EPB41L5: variants seen among roughly 807,000 people sequenced by gnomAD.
EPB41L5 encodes band 4.1-like protein 5.
In EPB41L5, 55 loss-of-function variants were observed where a neutral mutation model predicts 106.6. The observed-to-expected ratio is 0.52, with a 90% CI of 0.42 to 0.65. The LOEUF (loss-of-function observed/expected upper bound fraction) is 0.65, where lower values mean the gene tolerates loss of function less well. EPB41L5 is among the 30% of genes least tolerant of loss of function. The pLI is 0.00. For missense variants in EPB41L5, 871 were observed against 882.1 expected (o/e 0.99, Z 0.16); for synonymous variants, 297 against 306.7 (o/e 0.97, Z 0.33).
At position 120,093,295 on chromosome 2, in the gene EPB41L5, C is replaced by T; in HGVS notation, c.1178+19C>T. 6.2e-7 allele frequency: 1 copy of T among 1,608,088 alleles called. No individual in the cohort carries two copies. ...AACTTAGGTAAGTAATGTTTTGCAA[C>T]TTAGGAATTGGTATAGAATTTGGGA... On this transcript the variant is annotated intron_variant, in intron 14 of 24. Coordinates refer to ENST00000263713, the MANE Select transcript of EPB41L5 (RefSeq NM_020909.4).
intron 3 of EPB41L5, among the ~76,000 whole-genome samples, chr2:120,062,224 A>G (rs978262900): frequency 2.0e-5 from 3 of 152,206 alleles, no homozygotes; most frequent in Non-Finnish European, 4.4e-5. Flanking sequence ...GGATTCAGTA[A>G]GATAGTGGGA....
At chr2:120,064,086 GTCAC>G (rs1240203664) in intron 3 of EPB41L5, among the ~76,000 whole-genome samples, 6 of 152,140 alleles carry the variant, frequency 3.9e-5, no homozygotes, top group African/African-American at 9.7e-5. Context: ...AAAAAAAGTA[GTCAC>G]TCAGGAAGTT....
intron 10 of EPB41L5, 57 bp downstream of exon 10, chr2:120,078,638 AT>A (rs1682419838): frequency 1.6e-5 from 18 of 1,124,988 alleles, no homozygotes; most frequent in Non-Finnish European, 2.4e-5. Flanking sequence ...TAATGAGTAA[AT>A]AAAGTTAATA....
At chr2:120,088,190 C>G (rs1186270476) in intron 11 of EPB41L5, among the ~76,000 whole-genome samples, 3 of 151,970 alleles carry the variant, frequency 2.0e-5, no homozygotes, top group Admixed American at 2.0e-4. Context: ...TTTCATTTTC[C>G]TCTGCTCAGT....
intron 13 of EPB41L5, 85 bp from the exon 14 acceptor site, chr2:120,093,164 A>G: frequency 9.5e-7 from 1 of 1,053,956 alleles, no homozygotes; most frequent in Non-Finnish European, 1.5e-6. Flanking sequence ...TTGTAAAGCA[A>G]TTAGTTAAAG....
intron 17 of EPB41L5, among the ~76,000 whole-genome samples, chr2:120,130,320 G>T (rs950234290): frequency 2.3e-4 from 35 of 152,142 alleles, no homozygotes; most frequent in African/African-American, 7.5e-4. Flanking sequence ...AAATCAATCA[G>T]TGAGAATAAT....
intron 2 of EPB41L5, among the ~76,000 whole-genome samples, chr2:120,032,940 T>C (rs987847462): frequency 1.3e-5 from 2 of 152,242 alleles, no homozygotes; most frequent in Non-Finnish European, 2.9e-5. Flanking sequence ...GGTGTCTGTC[T>C]AGGAATTGAA....
At chr2:120,108,343 T>C (rs1178675361) in intron 16 of EPB41L5, 1 of 152,142 alleles carries the variant, frequency 6.6e-6, no homozygotes, top group African/African-American at 2.4e-5. Flanking sequence ...TTGACAGCTG[T>C]AGCTCATTTT....
chr2:120,171,522 G>GACTA (rs1687671850), intron 24 of EPB41L5, among the ~76,000 whole-genome samples: 1 of 152,202 alleles, frequency 6.6e-6, no homozygotes, highest in Non-Finnish European at 1.5e-5. Context: ...AACACGGGAA[G>GACTA]ACTAACTCAA....
chr2:120,053,413 AT>A (rs1680421301), intron 3 of EPB41L5, among the ~76,000 whole-genome samples: 1 of 152,210 alleles, frequency 6.6e-6, no homozygotes, highest in South Asian at 2.1e-4. Flanking sequence ...TTTTCAGTAT[AT>A]TTAGAATTGT....
chr2:120,070,891 G>A (rs2105311578), intron 3 of EPB41L5, among the ~76,000 whole-genome samples: 1 of 152,272 alleles, frequency 6.6e-6, no homozygotes, highest in East Asian at 1.9e-4. Flanking sequence ...ATACTGAATG[G>A]GCAAAAGCTG....
chr2:120,138,404 A>G (rs1686026090), intron 18 of EPB41L5, among the ~76,000 whole-genome samples: 1 of 152,086 alleles, frequency 6.6e-6, no homozygotes, highest in South Asian at 2.1e-4. Flanking sequence ...GAAGAATTCA[A>G]ATTATCATCA....
chr2:120,130,612 C>T (rs917465713), intron 17 of EPB41L5, among the ~76,000 whole-genome samples: 1 of 152,150 alleles, frequency 6.6e-6, no homozygotes, highest in Non-Finnish European at 1.5e-5. Context: ...TTGAGAAGAC[C>T]AGTGTTGAAT....
At chr2:120,056,672 A>AC (rs1680675679) in intron 3 of EPB41L5, among the ~76,000 whole-genome samples, 1 of 21,932 alleles carries the variant, frequency 4.6e-5, no homozygotes, top group African/African-American at 1.7e-4. Context: ...TTTTCTTGTG[A>AC]CTTTTTTTTT....
chr2:120,114,100 G>C (rs950255703), intron 16 of EPB41L5, among the ~76,000 whole-genome samples: 1 of 152,290 alleles, frequency 6.6e-6, no homozygotes, highest in African/African-American at 2.4e-5. Context: ...CACCATGTGG[G>C]TTCCAGTTTT....
At chr2:120,109,420 C>T (rs560450831) in intron 16 of EPB41L5, among the ~76,000 whole-genome samples, 1 of 152,310 alleles carries the variant, frequency 6.6e-6, no homozygotes, top group South Asian at 2.1e-4. Context: ...GACCTTGCTT[C>T]CTACTTTATT....
intron 20 of EPB41L5, among the ~76,000 whole-genome samples, chr2:120,158,981 T>C (rs1401033634): frequency 6.6e-6 from 1 of 152,186 alleles, no homozygotes; most frequent in Non-Finnish European, 1.5e-5. Flanking sequence ...AACGCAGTCC[T>C]ATTCACAATT....
Position 120,100,289 on chromosome 2 carries a change from A to G in EPB41L5, c.1221+3A>G. The G allele has an allele frequency of 6.2e-7, 1 of 1,612,552 alleles. No homozygotes were observed. Among genetic ancestry groups the G allele is most frequent in the Non-Finnish European group, 8.5e-7 (1 of 1,178,774 alleles). Reference sequence around the variant, plus strand: ...CCCAAAGTAATGGCTCCCAACAGGTAAGACAATACTAAGCTTCTAAAACAC... The same window carrying G: ...CCCAAAGTAATGGCTCCCAACAGGTGAGACAATACTAAGCTTCTAAAACAC... On this transcript the variant is annotated splice_donor_region_variant and intron_variant, in intron 15 of 24. Transcript: ENST00000263713.
chr2:120,126,281 C>CT (rs1165669874), intron 16 of EPB41L5, among the ~76,000 whole-genome samples: 2 of 151,986 alleles, frequency 1.3e-5, no homozygotes, highest in African/African-American at 4.8e-5. Flanking sequence ...CATAATGGTT[C>CT]TTTGACACTG....
Sources: gnomAD v4.1 joint callset for allele counts (sites outside exome capture counted in the v4.1 genomes callset) on GRCh38, gnomAD v4.1.1 for gene constraint, MANE v1.5 for transcripts, NCBI Gene and HGNC (gene_info 2026-07-23, HGNC 2026-07-21) for gene names.